The following CDH2 variants were observed in gnomAD, a reference collection of about 807,000 sequenced individuals.
CDH2 encodes the protein cadherin-2.
CDH2 carries 17 observed loss-of-function variants against 92.0 expected under a neutral mutation model. The ratio of observed to expected loss-of-function variants is 0.18; its 90% CI spans 0.13 to 0.28. The LOEUF is 0.28. Ranked by LOEUF, CDH2 falls within the 10% of genes least tolerant of loss-of-function variation. The probability of loss-of-function intolerance (pLI) is 1.00; values close to 1 mark genes in which losing one functional copy is unlikely to be tolerated. For synonymous variants in CDH2, 419 were observed against 415.9 expected, an observed-to-expected ratio of 1.01 and a Z score of -0.09; for missense variants, 862 against 1,133.1, an observed-to-expected ratio of 0.76 and a Z score of 3.44.
In CDH2 at chr18:28,034,432, A is replaced by T. The variant is rs2013775176; in HGVS notation, c.173-20523T>A. Among the ~76,000 whole-genome samples, 3 of 151,756 alleles carry T rather than the reference A, an allele frequency of 2.0e-5. No homozygotes were observed. In the South Asian group the frequency reaches 6.2e-4, roughly 31 times the overall value. On this transcript the variant is annotated intron_variant, in intron 2 of 15. Coordinates refer to ENST00000269141, the MANE Select transcript of CDH2 (RefSeq NM_001792.5). ...ACAGGGATAAAATTGTTTTAAATAT[A>T]TTTTTTTTCTGGTTTTTAAACAGTT... is the stretch of plus-strand genomic sequence containing the variant.
chr18:28,007,653 T>A (rs2012978562), intron 5 of CDH2, among the ~76,000 whole-genome samples: 1 of 152,230 alleles, frequency 6.6e-6, no homozygotes. Flanking sequence ...TACTTATATA[T>A]TGAATCTGAA....
intron 2 of CDH2, among the ~76,000 whole-genome samples, chr18:28,109,230 T>C (rs2015371445): frequency 6.6e-6 from 1 of 152,196 alleles, no homozygotes; most frequent in Admixed American, 6.5e-5. Context: ...GCAAAATAAA[T>C]GTATTTTAGT....
chr18:27,998,988 G>C (rs1011686637), intron 7 of CDH2, among the ~76,000 whole-genome samples: 1 of 152,296 alleles, frequency 6.6e-6, no homozygotes, highest in Middle Eastern at 3.4e-3. Flanking sequence ...CTGCCCCACT[G>C]GATGTTGAGA....
At chr18:27,944,203 A>G (rs1389650059) in intron 6 of CDH2, among the ~76,000 whole-genome samples, 1 of 152,200 alleles carries the variant, frequency 6.6e-6, no homozygotes, top group Non-Finnish European at 1.5e-5. Flanking sequence ...TCAATATGCA[A>G]ACTACCTTTC....
intron 4 of CDH2, among the ~76,000 whole-genome samples, chr18:28,010,682 CG>C (rs746688312): frequency 3.7e-4 from 53 of 143,492 alleles, no homozygotes; most frequent in African/African-American, 1.1e-3. Flanking sequence ...TTTTTTTTTG[CG>C]GGGGGGGAAG....
At chr18:28,154,916 C>G (rs1349003588) in intron 1 of CDH2, among the ~76,000 whole-genome samples, 9 of 152,138 alleles carry the variant, frequency 5.9e-5, no homozygotes, top group African/African-American at 1.7e-4. Flanking sequence ...ACTGCCTAAC[C>G]AAAACCTAGA....
At chr18:28,082,212 GC>G (rs2014844564) in intron 2 of CDH2, among the ~76,000 whole-genome samples, 2 of 151,950 alleles carry the variant, frequency 1.3e-5, no homozygotes, top group South Asian at 4.2e-4. Context: ...TTAGAGACCG[GC>G]CTGGGAAATA....
At chr18:28,092,506 C>G (rs1212143405) in intron 2 of CDH2, among the ~76,000 whole-genome samples, 2 of 151,008 alleles carry the variant, frequency 1.3e-5, no homozygotes, top group East Asian at 2.0e-4. Context: ...TTCTGCTACC[C>G]TATTTCAAGG....
At chr18:28,001,922 C>G (rs2012779660) in intron 7 of CDH2, among the ~76,000 whole-genome samples, 1 of 152,194 alleles carries the variant, frequency 6.6e-6, no homozygotes, top group African/African-American at 2.4e-5. Flanking sequence ...TATTTTATTG[C>G]AGTGGGTATA....
chr18:28,093,762 C>T (rs2015077722), intron 2 of CDH2, among the ~76,000 whole-genome samples: 1 of 152,130 alleles, frequency 6.6e-6, no homozygotes, highest in Admixed American at 6.5e-5. Context: ...AAACTTGAAA[C>T]CTAGTAGTAA....
chr18:28,016,216 CAT>C (rs746398824), intron 2 of CDH2, among the ~76,000 whole-genome samples: 55 of 152,198 alleles, frequency 3.6e-4, no homozygotes, highest in Non-Finnish European at 7.1e-4. Flanking sequence ...TTAATAATTT[CAT>C]ATGAGTGGAT....
chr18:28,055,325 T>G (rs2014270576), intron 2 of CDH2, among the ~76,000 whole-genome samples: 2 of 152,274 alleles, frequency 1.3e-5, no homozygotes, highest in East Asian at 1.9e-4. Context: ...GGAGCTACAA[T>G]TCAAGATGAG....
intron 2 of CDH2, 145 bp from the exon 3 acceptor site, chr18:28,014,054 T>C (rs2013175593): frequency 1.6e-6 from 1 of 627,876 alleles, no homozygotes; most frequent in Non-Finnish European, 2.7e-6. Flanking sequence ...TTTATTTTAT[T>C]ATATCAAAAG....
chr18:28,141,018 T>C lies in CDH2; in HGVS notation c.172+6655A>G, dbSNP rs142700988. ...GGATACAATCAAAATAAATGTAAAA[T>C]AAGATAACAAGTGTTGATGAGTATG... On this transcript the variant is annotated intron_variant, in intron 2 of 15. Transcript: ENST00000269141. Among the ~76,000 whole-genome samples the C allele has an allele frequency of 2.9e-4, 44 of 151,234 alleles. 1 individual carries two copies. In the East Asian group the frequency reaches 8.4e-3, roughly 29 times the overall value.
At position 27,993,758 on chromosome 18, in the gene CDH2, A is replaced by T. The variant is rs774129307; in HGVS notation, c.1021-121T>A. The T allele has an allele frequency of 2.8e-5, 21 of 753,896 alleles. No homozygotes were observed. In the Admixed American group the frequency reaches 5.6e-4, roughly 20 times the overall value. 46.7% of individuals were successfully genotyped at this position (753,896 alleles called of 1,614,324 possible). A position where few individuals can be genotyped will look rare whatever the true frequency, so the allele number is the denominator to read the frequency against. On this transcript the variant is annotated intron_variant, in intron 7 of 15. Coordinates refer to ENST00000269141, the MANE Select transcript of CDH2 (RefSeq NM_001792.5). ...CATGGCATCATTCATTCTGATTAAC[A>T]TGACTTGAAATTTCGCAAGTGGAGT... is the stretch of plus-strand genomic sequence containing the variant.
intron 6 of CDH2, among the ~76,000 whole-genome samples, chr18:28,003,711 T>C (rs894480715): frequency 6.6e-6 from 1 of 152,218 alleles, no homozygotes; most frequent in African/African-American, 2.4e-5. Flanking sequence ...TTTTGGTACA[T>C]TGCATAGAGA....
intron 1 of CDH2, among the ~76,000 whole-genome samples, chr18:28,154,566 T>C (rs1373930902): frequency 1.3e-5 from 2 of 152,266 alleles, no homozygotes; most frequent in Non-Finnish European, 2.9e-5. Context: ...GTTCTGGTTC[T>C]GCACTCGCAG....
At chr18:28,102,345 A>T (rs1206210673) in intron 2 of CDH2, among the ~76,000 whole-genome samples, 1 of 152,112 alleles carries the variant, frequency 6.6e-6, no homozygotes, top group Non-Finnish European at 1.5e-5. Flanking sequence ...GAAAATTTCA[A>T]GCACAGTGAG....
At chr18:28,088,617 G>A (rs1246601331) in intron 2 of CDH2, among the ~76,000 whole-genome samples, 5 of 152,074 alleles carry the variant, frequency 3.3e-5, no homozygotes, top group South Asian at 2.1e-4. Context: ...AAGTCTGTCC[G>A]AGAGGCATCT....
Sources: gnomAD v4.1 joint callset for allele counts (sites outside exome capture counted in the v4.1 genomes callset) on GRCh38, gnomAD v4.1.1 for gene constraint, MANE v1.5 for transcripts, NCBI Gene and HGNC (gene_info 2026-07-23, HGNC 2026-07-21) for gene names.